Variants in PLPP1 observed in about 807,000 individuals in gnomAD.
PLPP1 encodes phospholipid phosphatase 1.
In PLPP1, 24 loss-of-function variants were observed where a neutral mutation model predicts 31.2. The observed-to-expected ratio is 0.77, with a 90% CI of 0.56 to 1.08. PLPP1 has a LOEUF of 1.08. Among genes scored for constraint, PLPP1 ranks in the 50% least tolerant of loss-of-function variants. PLPP1 has a pLI of 0.00. For synonymous variants in PLPP1, 146 were observed against 126.3 expected, an observed-to-expected ratio of 1.16 and a Z score of -1.05; for missense variants, 319 against 342.7, an observed-to-expected ratio of 0.93 and a Z score of 0.55.
rs552157280 is a variant in PLPP1 at position 55,448,206 on chromosome 5, T to C, written c.492-6298A>G. 2.3e-4 allele frequency among the ~76,000 whole-genome samples: 35 copies of C among 152,320 alleles called. 1 individual carries two copies. The highest frequency in any genetic ancestry group is 8.4e-4 in the African/African-American group (35 of 41,578). ...TGCTAAATGATTTGGCAATGAGATATCAGATTATTATCTACAAGAATCTCA... is the reference window on the plus strand; with the variant it reads ...TGCTAAATGATTTGGCAATGAGATACCAGATTATTATCTACAAGAATCTCA... On this transcript the variant is annotated intron_variant, in intron 3 of 5. Transcript: ENST00000307259.
intron 1 of PLPP1, among the ~76,000 whole-genome samples, chr5:55,475,980 CTTTT>C (rs34891567): frequency 1.4e-5 from 2 of 139,076 alleles, no homozygotes; most frequent in African/African-American, 2.7e-5. Flanking sequence ...CTTAAAGTTT[CTTTT>C]TTTTTTTTTT....
At chr5:55,484,031 G>A (rs1752725268) in intron 1 of PLPP1, among the ~76,000 whole-genome samples, 1 of 152,106 alleles carries the variant, frequency 6.6e-6, no homozygotes. Context: ...CTAAACATTA[G>A]TTAACCAGCT....
chr5:55,441,472 T>C (rs1751618488), intron 4 of PLPP1, among the ~76,000 whole-genome samples: 2 of 152,116 alleles, frequency 1.3e-5, no homozygotes, highest in Non-Finnish European at 2.9e-5. Flanking sequence ...TTAACAATGA[T>C]CAAAACCCAA....
At chr5:55,504,992 G>A (rs1414449323) in intron 1 of PLPP1, among the ~76,000 whole-genome samples, 1 of 151,810 alleles carries the variant, frequency 6.6e-6, no homozygotes, top group Admixed American at 6.6e-5. Context: ...TGTATTTTAT[G>A]TAGAGACAGG....
At chr5:55,450,474 G>A (rs1751868317) in intron 3 of PLPP1, among the ~76,000 whole-genome samples, 1 of 152,164 alleles carries the variant, frequency 6.6e-6, no homozygotes, top group African/African-American at 2.4e-5. Context: ...TAAGATAAAG[G>A]AAAGCAGAAC....
intron 1 of PLPP1, among the ~76,000 whole-genome samples, chr5:55,494,238 A>C (rs1433990083): frequency 6.6e-6 from 1 of 152,184 alleles, no homozygotes; most frequent in Non-Finnish European, 1.5e-5. Flanking sequence ...CAGTTTTGAA[A>C]TTATCTACTA....
intron 1 of PLPP1, among the ~76,000 whole-genome samples, chr5:55,487,729 T>TAAAACAAACAAATCTACC (rs1752803326): frequency 6.6e-6 from 1 of 152,272 alleles, no homozygotes; most frequent in African/African-American, 2.4e-5. Flanking sequence ...CACAAACTAT[T>TAAAACAAACAAATCTACC]AAAACAAACA....
intron 3 of PLPP1, among the ~76,000 whole-genome samples, chr5:55,465,965 T>A (rs1752284529): frequency 6.6e-6 from 1 of 152,240 alleles, no homozygotes; most frequent in Admixed American, 6.5e-5. Context: ...ACACAGCCCA[T>A]ACACCTTAAG....
In PLPP1 at chr5:55,425,096, A is replaced by G; in HGVS notation, c.*110T>C. On this transcript the variant is annotated 3_prime_UTR_variant, in exon 6 of 6. Coordinates refer to ENST00000307259, the MANE Select transcript of PLPP1 (RefSeq NM_003711.4). ...TGCATCCAAGAGGCATAGCAGCAGC[A>G]GAAGTCTTTAAAGGCTTGTACACCA... 1.5e-6 allele frequency: 2 copies of G among 1,377,500 alleles called. No individual in the cohort carries two copies. The highest frequency in any genetic ancestry group is 2.0e-6 in the Non-Finnish European group (2 of 1,012,742). 85.3% of individuals were successfully genotyped at this position (1,377,500 alleles called of 1,614,324 possible).
chr5:55,434,114 CTGAG>C (rs780402741), intron 4 of PLPP1, among the ~76,000 whole-genome samples: 8 of 142,694 alleles, frequency 5.6e-5, no homozygotes, highest in Non-Finnish European at 1.2e-4. Context: ...GGGCGAGCGA[CTGAG>C]TGAGACTCTG....
At chr5:55,430,211 A>G (rs1485154536) in intron 4 of PLPP1, among the ~76,000 whole-genome samples, 1 of 152,252 alleles carries the variant, frequency 6.6e-6, no homozygotes, top group South Asian at 2.1e-4. Context: ...CCTGCTGTCT[A>G]TGGGCAGCAA....
At chr5:55,451,091 T>C (rs1354814957) in intron 3 of PLPP1, among the ~76,000 whole-genome samples, 1 of 152,144 alleles carries the variant, frequency 6.6e-6, no homozygotes, top group Non-Finnish European at 1.5e-5. Context: ...CTCCTGCAGA[T>C]AATGAAATCA....
At chr5:55,516,660 A>G (rs1356778765) in intron 1 of PLPP1, among the ~76,000 whole-genome samples, 4 of 152,228 alleles carry the variant, frequency 2.6e-5, no homozygotes, top group African/African-American at 9.6e-5. Flanking sequence ...GCAACAGGTG[A>G]CAGAACTGAG....
chr5:55,447,128 T>A (rs542668415), intron 3 of PLPP1, among the ~76,000 whole-genome samples: 38 of 152,350 alleles, frequency 2.5e-4, no homozygotes, highest in African/African-American at 9.1e-4. Flanking sequence ...ATGTAGCACG[T>A]TTAGCTGAAC....
At chr5:55,507,827 C>A (rs549359945) in intron 1 of PLPP1, among the ~76,000 whole-genome samples, 2 of 151,054 alleles carry the variant, frequency 1.3e-5, no homozygotes, top group South Asian at 4.2e-4. Flanking sequence ...TTTTTTTAGT[C>A]CACCTATATC....
intron 1 of PLPP1, among the ~76,000 whole-genome samples, chr5:55,479,241 A>C (rs1308619615): frequency 6.6e-6 from 1 of 152,080 alleles, no homozygotes; most frequent in Non-Finnish European, 1.5e-5. Flanking sequence ...TGGCCAGGCT[A>C]GTCTCAAACC....
At chr5:55,434,061 G>A (rs1369321153) in intron 4 of PLPP1, among the ~76,000 whole-genome samples, 2 of 151,062 alleles carry the variant, frequency 1.3e-5, no homozygotes, top group Non-Finnish European at 2.9e-5. Flanking sequence ...CTTAGGAGGT[G>A]GAGGTTGCAG....
In PLPP1 at chr5:55,534,738, G is replaced by A; in HGVS notation, c.-109C>T. The A allele has an allele frequency of 8.4e-7, 1 of 1,187,678 alleles. No individual in the cohort carries two copies. The highest frequency in any genetic ancestry group is 1.2e-6 in the Non-Finnish European group (1 of 869,516). 73.6% of individuals were successfully genotyped at this position (1,187,678 alleles called of 1,614,324 possible). Reference sequence around the variant, plus strand: ...GGGGCTGGCGACGGCCCCGAGCTACGGCCCCTCCCAGCCGGAGGAGGAGAG... The same window carrying A: ...GGGGCTGGCGACGGCCCCGAGCTACAGCCCCTCCCAGCCGGAGGAGGAGAG... On this transcript the variant is annotated 5_prime_UTR_variant, in exon 1 of 6. Transcript: ENST00000307259.
At chr5:55,426,600 G>T (rs1427005088) in intron 4 of PLPP1, among the ~76,000 whole-genome samples, 1 of 150,772 alleles carries the variant, frequency 6.6e-6, no homozygotes, top group Non-Finnish European at 1.5e-5. Context: ...AGAGATGGGG[G>T]TCTCACTGTG....
Sources: allele counts gnomAD v4.1 joint callset (sites outside exome capture counted in the v4.1 genomes callset), GRCh38; gene constraint gnomAD v4.1.1; transcripts MANE v1.5; gene names NCBI Gene and HGNC (gene_info 2026-07-23, HGNC 2026-07-21).